Variants in PRKN observed in about 807,000 individuals in gnomAD.
The protein encoded by PRKN is parkin RBR E3 ubiquitin protein ligase, also known as E3 ubiquitin-protein ligase parkin.
A neutral mutation model predicts 59.5 loss-of-function variants in PRKN; 56 were observed. The ratio of observed to expected loss-of-function variants is 0.94; its 90% CI spans 0.76 to 1.18. The LOEUF is 1.18. Ranked by LOEUF, PRKN falls within the 50% of genes most tolerant of loss-of-function variation. The pLI is 0.00. For missense variants in PRKN, 657 were observed against 596.4 expected (o/e 1.10, Z -1.06); for synonymous variants, 250 against 222.1 (o/e 1.13, Z -1.12).
chr6:161,413,846 G>T lies in PRKN; in HGVS notation c.1084-26969C>A, dbSNP rs1787706544. Among the ~76,000 whole-genome samples, 1 of 152,174 alleles carries T rather than the reference G, an allele frequency of 6.6e-6. No individual in the cohort carries two copies. The highest frequency in any genetic ancestry group is 6.5e-5 in the Admixed American group (1 of 15,284). On this transcript the variant is annotated intron_variant, in intron 9 of 11. Coordinates refer to ENST00000366898, the MANE Select transcript of PRKN (RefSeq NM_004562.3). The surrounding 1 kb of genome is among the most constrained non-coding windows in gnomAD (Gnocchi z 4.4). Reference sequence around the variant, plus strand: ...AAGGGAAACTTCCTGAGAGGACAGGGAGCATTTACAGCATGAAGTCAGGCA... The same window carrying T: ...AAGGGAAACTTCCTGAGAGGACAGGTAGCATTTACAGCATGAAGTCAGGCA...
chr6:162,256,966 A>T (rs1187799163), intron 3 of PRKN, among the ~76,000 whole-genome samples: 1 of 152,236 alleles, frequency 6.6e-6, no homozygotes, highest in African/African-American at 2.4e-5. Context: ...TTTATGTTTC[A>T]AAACAGATAA....
intron 9 of PRKN, among the ~76,000 whole-genome samples, chr6:161,540,910 C>A (rs1486430635): frequency 6.6e-6 from 1 of 152,256 alleles, no homozygotes; most frequent in Non-Finnish European, 1.5e-5. Flanking sequence ...CTGCTCCTGG[C>A]AGCATCTGTT....
intron 4 of PRKN, among the ~76,000 whole-genome samples, chr6:162,121,842 C>T (rs905306707): frequency 3.9e-5 from 6 of 152,068 alleles, no homozygotes; most frequent in Non-Finnish European, 5.9e-5. Context: ...AAACCTCAGG[C>T]CTTATTTACA....
chr6:161,714,057 C>T (rs1786866312), intron 7 of PRKN, among the ~76,000 whole-genome samples: 1 of 152,166 alleles, frequency 6.6e-6, no homozygotes, highest in Admixed American at 6.5e-5. Context: ...TATAAATTAT[C>T]CAGCCTCAGG....
chr6:161,495,207 A>G (rs990863803), intron 9 of PRKN, among the ~76,000 whole-genome samples: 2 of 152,128 alleles, frequency 1.3e-5, no homozygotes, highest in Admixed American at 6.5e-5. Flanking sequence ...TTTGCAACAC[A>G]CCTCCCTTCG....
At chr6:161,901,305 T>G (rs1777908050) in intron 6 of PRKN, among the ~76,000 whole-genome samples, 2 of 152,100 alleles carry the variant, frequency 1.3e-5, no homozygotes, top group Admixed American at 6.6e-5. Flanking sequence ...AGAGACGTAG[T>G]GTACTGAGTG....
chr6:161,938,451 T>C (rs1435215301), intron 6 of PRKN, among the ~76,000 whole-genome samples: 1 of 152,218 alleles, frequency 6.6e-6, no homozygotes, highest in Non-Finnish European at 1.5e-5. Flanking sequence ...AGTAGTTACA[T>C]TGTATGGTTC....
chr6:162,473,774 A>G (rs1791873041), intron 1 of PRKN, among the ~76,000 whole-genome samples: 1 of 152,110 alleles, frequency 6.6e-6, no homozygotes. Context: ...TTCTAGAACC[A>G]AGCTGAAAAC....
At position 162,219,937 on chromosome 6, in the gene PRKN, C is replaced by T. The variant is rs139732592; in HGVS notation, c.413-18685G>A. 3.8e-3 allele frequency among the ~76,000 whole-genome samples: 579 copies of T among 152,218 alleles called. 3 individuals are homozygous for T. The highest frequency in any genetic ancestry group is 6.0e-3 in the Non-Finnish European group (408 of 68,006). ...CAGCAAAATCCAACAGTGCTCAACA[C>T]CTTTATATAACATGGTGTGGTATTT... is the stretch of plus-strand genomic sequence containing the variant. On this transcript the variant is annotated intron_variant, in intron 3 of 11. Coordinates refer to ENST00000366898, the MANE Select transcript of PRKN (RefSeq NM_004562.3).
Position 161,388,836 on chromosome 6 carries a change from A to C in PRKN, c.1084-1959T>G, listed in dbSNP as rs1489306424. Among the ~76,000 whole-genome samples the C allele has an allele frequency of 2.6e-5, 4 of 152,238 alleles. No individual in the cohort carries two copies. Among genetic ancestry groups the C allele is most frequent in the Non-Finnish European group, 5.9e-5 (4 of 68,044 alleles). On this transcript the variant is annotated intron_variant, in intron 9 of 11. Transcript: ENST00000366898. This position sits in a 1 kb window ranked among gnomAD's most constrained non-coding sequence, Gnocchi z 4.3. ...ATAGCCCTGTCTGAGCTTTTAGTAG[A>C]CAGCCAGCACCAACTTGCCAGCTAT...
chr6:161,962,182 A>C (rs1297784056), intron 6 of PRKN, among the ~76,000 whole-genome samples: 1 of 152,250 alleles, frequency 6.6e-6, no homozygotes, highest in South Asian at 2.1e-4. Context: ...AAATGTCATG[A>C]GAAAATAGAG....
intron 5 of PRKN, among the ~76,000 whole-genome samples, chr6:162,052,417 T>A (rs993564549): frequency 6.6e-6 from 1 of 152,216 alleles, no homozygotes; most frequent in Non-Finnish European, 1.5e-5. Flanking sequence ...GATTTCAATT[T>A]CTATGTTCTT....
intron 10 of PRKN, among the ~76,000 whole-genome samples, chr6:161,364,922 CT>C (rs1785133391): frequency 7.2e-6 from 1 of 138,330 alleles, no homozygotes; most frequent in South Asian, 2.2e-4. Context: ...CGGAGTGAGA[CT>C]TTGTCTCAAA....
At chr6:162,285,315 T>C (rs1186766448) in intron 2 of PRKN, among the ~76,000 whole-genome samples, 2 of 141,240 alleles carry the variant, frequency 1.4e-5, no homozygotes, top group Non-Finnish European at 3.0e-5. Flanking sequence ...TGGCATATAC[T>C]CTTGACATAA....
At chr6:162,428,158 G>A (rs1369856883) in intron 2 of PRKN, among the ~76,000 whole-genome samples, 1 of 152,084 alleles carries the variant, frequency 6.6e-6, no homozygotes, top group East Asian at 1.9e-4. Flanking sequence ...AATCTGACTT[G>A]CACAGGAAGT....
At chr6:162,563,268 C>A (rs1779926084) in intron 1 of PRKN, among the ~76,000 whole-genome samples, 1 of 151,428 alleles carries the variant, frequency 6.6e-6, no homozygotes, top group Admixed American at 6.6e-5. Flanking sequence ...CGCGCCACTG[C>A]ACTCCAGCTT....
At chr6:162,285,156 A>C (rs1781122765) in intron 2 of PRKN, among the ~76,000 whole-genome samples, 1 of 152,020 alleles carries the variant, frequency 6.6e-6, no homozygotes, top group African/African-American at 2.4e-5. Context: ...TAAGCCACCC[A>C]GTCTGTAGTG....
chr6:162,278,069 T>C (rs1780714285), intron 2 of PRKN, among the ~76,000 whole-genome samples: 1 of 152,260 alleles, frequency 6.6e-6, no homozygotes, highest in Non-Finnish European at 1.5e-5. Flanking sequence ...ATACAGATCA[T>C]GGAAAATTAT....
chr6:162,067,917 T>G (rs1026880484), intron 4 of PRKN, among the ~76,000 whole-genome samples: 2 of 152,210 alleles, frequency 1.3e-5, no homozygotes, highest in Non-Finnish European at 2.9e-5. Flanking sequence ...AAAATACATG[T>G]CAAATAAATA....
Sources: allele counts gnomAD v4.1 joint callset (sites outside exome capture counted in the v4.1 genomes callset), GRCh38; gene constraint gnomAD v4.1.1; non-coding constraint Gnocchi (gnomAD v3.1); transcripts MANE v1.5; gene names NCBI Gene and HGNC (gene_info 2026-07-23, HGNC 2026-07-21).